Variants in DAB1 observed in about 807,000 individuals in gnomAD.
DAB1 encodes disabled homolog 1.
Under a neutral mutation model 64.6 loss-of-function variants are expected in DAB1, and 15 were observed. The ratio of observed to expected loss-of-function variants is 0.23; its 90% CI spans 0.16 to 0.36. The LOEUF (loss-of-function observed/expected upper bound fraction) is 0.36, where lower values mean the gene tolerates loss of function less well. Among genes scored for constraint, DAB1 ranks in the 10% least tolerant of loss-of-function variants. The pLI, the probability that DAB1 is intolerant of heterozygous loss-of-function variation, is 1.00. For synonymous variants in DAB1, 235 were observed against 251.9 expected (o/e 0.93, Z 0.64); for missense variants, 596 against 706.7 (o/e 0.84, Z 1.78).
intron 7 of DAB1, among the ~76,000 whole-genome samples, chr1:57,559,893 T>A (rs1645031727): frequency 6.6e-6 from 1 of 152,228 alleles, no homozygotes; most frequent in Admixed American, 6.5e-5. Flanking sequence ...CATCAAGGAT[T>A]TGAAAGATGC....
At chr1:58,445,218 A>G (rs995280703) in intron 3 of DAB1, among the ~76,000 whole-genome samples, 3 of 152,260 alleles carry the variant, frequency 2.0e-5, no homozygotes, top group African/African-American at 7.2e-5. Flanking sequence ...TGGTGATTAA[A>G]TGTATATGTA....
chr1:57,833,216 C>A (rs772601633), intron 1 of DAB1, among the ~76,000 whole-genome samples: 3 of 151,962 alleles, frequency 2.0e-5, no homozygotes, highest in Non-Finnish European at 4.4e-5. Context: ...GAAAAGAGAA[C>A]AGATTAAACT....
intron 9 of DAB1, among the ~76,000 whole-genome samples, chr1:57,041,743 T>G (rs1286241621): frequency 6.6e-6 from 1 of 152,188 alleles, no homozygotes; most frequent in Non-Finnish European, 1.5e-5. Context: ...CAATACAGTA[T>G]CCTTTAGGAA....
chr1:58,235,957 T>G (rs964972809), intron 4 of DAB1, among the ~76,000 whole-genome samples: 4 of 152,208 alleles, frequency 2.6e-5, no homozygotes, highest in Non-Finnish European at 5.9e-5. Flanking sequence ...ACAGGAGGCA[T>G]GCTTCCACAA....
intron 5 of DAB1, among the ~76,000 whole-genome samples, chr1:58,082,232 A>G (rs1267106875): frequency 6.6e-6 from 1 of 152,186 alleles, no homozygotes; most frequent in Non-Finnish European, 1.5e-5. Context: ...AGAGTGGCTA[A>G]TCTGCTTTTC....
chr1:57,369,821 T>A (rs1204845110), intron 1 of DAB1, among the ~76,000 whole-genome samples: 1 of 152,154 alleles, frequency 6.6e-6, no homozygotes, highest in Non-Finnish European at 1.5e-5. Context: ...TATATATGAG[T>A]ACAATGAAAG....
At position 57,810,547 on chromosome 1, in the gene DAB1, C is replaced by T. The variant is rs1205594238; in HGVS notation, n.551+73452G>A. On this transcript the variant is annotated intron_variant and non_coding_transcript_variant, in intron 6 of 20. Transcript: ENST00000485760. ...GTGAAGCAGCGAGGTACACTTTGTA[C>T]ATAAATCTTGCTCTGCCTATGACCA... Among the ~76,000 whole-genome samples the T allele has an allele frequency of 2.6e-5, 4 of 152,110 alleles. No individual in the cohort carries two copies. The East Asian group carries it at 5.8e-4, about 22-fold the overall frequency.
intron 2 of DAB1, among the ~76,000 whole-genome samples, chr1:57,206,968 CTT>C (rs201111039): frequency 2.5e-4 from 21 of 84,490 alleles, no homozygotes; most frequent in African/African-American, 7.9e-4. Context: ...TCCTTCCTTC[CTT>C]TTTTTTTTTT....
chr1:57,348,658 C>T (rs566049254), intron 1 of DAB1, among the ~76,000 whole-genome samples: 46 of 152,190 alleles, frequency 3.0e-4, no homozygotes, highest in African/African-American at 9.2e-4. Context: ...CTCAATGAAG[C>T]CAACTAGAAT....
At chr1:58,029,226 T>C (rs1048628531) in intron 5 of DAB1, among the ~76,000 whole-genome samples, 3 of 152,224 alleles carry the variant, frequency 2.0e-5, no homozygotes, top group African/African-American at 7.2e-5. Flanking sequence ...AACGACAAGC[T>C]AGTGATTCAG....
intron 2 of DAB1, among the ~76,000 whole-genome samples, chr1:57,284,768 C>A (rs1449124314): frequency 6.6e-6 from 1 of 152,354 alleles, no homozygotes; most frequent in African/African-American, 2.4e-5. Flanking sequence ...CCAATGTTAG[C>A]GGAAGTTACT....
intron 5 of DAB1, among the ~76,000 whole-genome samples, chr1:57,937,776 C>T (rs1476132361): frequency 2.6e-5 from 4 of 152,214 alleles, no homozygotes; most frequent in Admixed American, 1.3e-4. Flanking sequence ...TCTTGCTCCT[C>T]ACTGGCCCTT....
chr1:57,522,233 C>T (rs1477717795), intron 7 of DAB1, among the ~76,000 whole-genome samples: 2 of 152,090 alleles, frequency 1.3e-5, no homozygotes, highest in East Asian at 3.9e-4. Context: ...AGACTATATA[C>T]AGAACAGTTA....
intron 5 of DAB1, among the ~76,000 whole-genome samples, chr1:57,926,421 C>T (rs751050551): frequency 5.3e-5 from 8 of 152,114 alleles, no homozygotes; most frequent in Non-Finnish European, 1.0e-4. Context: ...TTAGCCTGGA[C>T]TTAGGGGCCT....
intron 7 of DAB1, among the ~76,000 whole-genome samples, chr1:57,486,542 TAC>T (rs1644094238): frequency 6.6e-6 from 1 of 152,196 alleles, no homozygotes; most frequent in African/African-American, 2.4e-5. Context: ...GTAAATTGTA[TAC>T]AGAGTGAAAC....
At chr1:57,647,893 T>A (rs1646212699) in intron 7 of DAB1, among the ~76,000 whole-genome samples, 1 of 152,194 alleles carries the variant, frequency 6.6e-6, no homozygotes, top group African/African-American at 2.4e-5. Flanking sequence ...GTAAGGCACA[T>A]GTATGAGAAA....
At chr1:57,206,390 C>T (rs1665538336) in intron 2 of DAB1, among the ~76,000 whole-genome samples, 1 of 152,142 alleles carries the variant, frequency 6.6e-6, no homozygotes, top group Non-Finnish European at 1.5e-5. Context: ...AATTCCTAGC[C>T]CCCACTACCT....
intron 7 of DAB1, among the ~76,000 whole-genome samples, chr1:57,574,901 C>T (rs1645232713): frequency 6.6e-6 from 1 of 152,182 alleles, no homozygotes; most frequent in East Asian, 1.9e-4. Context: ...TGGGCAGGGC[C>T]TGCCTTTCTT....
intron 6 of DAB1, among the ~76,000 whole-genome samples, chr1:57,708,486 T>G (rs1326907169): frequency 6.6e-6 from 1 of 152,220 alleles, no homozygotes; most frequent in East Asian, 1.9e-4. Context: ...GTCCAGTGCT[T>G]CTGAGATCAG....
Sources: gnomAD v4.1 joint callset for allele counts (sites outside exome capture counted in the v4.1 genomes callset) on GRCh38, gnomAD v4.1.1 for gene constraint, MANE v1.5 for transcripts, NCBI Gene and HGNC (gene_info 2026-07-23, HGNC 2026-07-21) for gene names.